TMEM183A: variants seen among roughly 807,000 people sequenced by gnomAD.
TMEM183A encodes transmembrane protein 183A, also known as chromosome 1 open reading frame 37.
In TMEM183A, 21 loss-of-function variants were observed where a neutral mutation model predicts 46.7. The observed-to-expected ratio is 0.45, with a 90% CI of 0.32 to 0.65. The LOEUF (loss-of-function observed/expected upper bound fraction) is 0.65, where lower values mean the gene tolerates loss of function less well. Among genes scored for constraint, TMEM183A ranks in the 30% least tolerant of loss-of-function variants. The pLI, the probability that TMEM183A is intolerant of heterozygous loss-of-function variation, is 0.04. For missense variants in TMEM183A, 331 were observed against 481.9 expected (o/e 0.69, Z 2.93); for synonymous variants, 165 against 180.2 (o/e 0.92, Z 0.68).
chr1:203,011,743 C>A (rs1047043967), intron 3 of TMEM183A, among the ~76,000 whole-genome samples: 1 of 152,080 alleles, frequency 6.6e-6, no homozygotes, highest in South Asian at 2.1e-4. Flanking sequence ...ACTTCTTTAT[C>A]TATTCAGATT....
At chr1:203,014,624 C>CA (rs71142584) in intron 3 of TMEM183A, among the ~76,000 whole-genome samples, 88 of 147,738 alleles carry the variant, frequency 6.0e-4, no homozygotes, top group East Asian at 1.4e-3. Context: ...GACTCTGTCC[C>CA]AAAAAAAAAA....
intron 1 of TMEM183A, 58 bp downstream of exon 1, chr1:203,007,632 C>T (rs916877066): frequency 4.8e-5 from 74 of 1,529,664 alleles, no homozygotes; most frequent in Non-Finnish European, 5.8e-5. Context: ...TGGGAGGGGG[C>T]TGGACCGTGC....
intron 6 of TMEM183A, 74 bp downstream of exon 6, chr1:203,018,635 G>A: frequency 6.6e-7 from 1 of 1,514,696 alleles, no homozygotes; most frequent in Non-Finnish European, 9.1e-7. Flanking sequence ...TTCTTAGTCT[G>A]TTTGTGTTGC....
chr1:203,008,347 CT>C (rs1325372307), intron 2 of TMEM183A, among the ~76,000 whole-genome samples: 2 of 151,800 alleles, frequency 1.3e-5, no homozygotes, highest in Non-Finnish European at 1.5e-5. Flanking sequence ...TACAAATCAG[CT>C]TTTATCCTGC....
In TMEM183A at chr1:203,007,783, C is replaced by A. The variant is rs1459350035; in HGVS notation, c.119C>A (p.Ala40Glu). The A allele has an allele frequency of 1.2e-6, 2 of 1,613,832 alleles. No homozygotes were observed. Among genetic ancestry groups the A allele is most frequent in the East Asian group, 2.2e-5 (1 of 44,896 alleles). The change falls in exon 2 of 8, where the codon GCG becomes GAG. Residue 40 changes from alanine to glutamate, a missense_variant. By Grantham distance (107) the Ala-to-Glu change is moderately radical. Around this residue, in one of 2 missense-constraint regions of TMEM183A, gnomAD observed 98 missense variants for 96.1 expected, o/e 1.02. Transcript: ENST00000367242. ...TGGTGCTGTGTTGCAGTGACCGTGGCGGATTACGCCAACTCGGATCCGGCG... is the reference window on the plus strand; with the variant it reads ...TGGTGCTGTGTTGCAGTGACCGTGGAGGATTACGCCAACTCGGATCCGGCG... The part of the protein sequence containing the change: ...HDACSGRVTV[A>E]DYANSDPAVV...
chr1:203,008,517 C>A, intron 2 of TMEM183A, 126 bp from the exon 3 acceptor site: 7 of 662,692 alleles, frequency 1.1e-5, no homozygotes, highest in Middle Eastern at 5.2e-4. Context: ...GACAGATTCT[C>A]ACCTTTCTCT....
chr1:203,018,353 G>A, intron 5 of TMEM183A, 128 bp from the exon 6 acceptor site: 1 of 1,058,358 alleles, frequency 9.4e-7, no homozygotes, highest in Admixed American at 2.8e-5. Context: ...TAAAATCTCA[G>A]CATTGGGACC....
rs146027925 is a variant in TMEM183A at position 203,014,132 on chromosome 1, A to C, written c.368-757A>C. The stretch of plus-strand genomic sequence containing the variant: ...GTGGGTGGAGACTTAAACCATGAGC[A>C]GGGCTTAATAGCATAAAGCTGGAAT... On this transcript the variant is annotated intron_variant, in intron 3 of 7. Coordinates refer to ENST00000367242, the MANE Select transcript of TMEM183A (RefSeq NM_138391.6). Among the ~76,000 whole-genome samples, 626 of 152,332 alleles carry C rather than the reference A, an allele frequency of 4.1e-3. 4 individuals carry two copies. The highest frequency in any genetic ancestry group is 6.9e-3 in the Non-Finnish European group (471 of 68,032).
chr1:203,017,896 G>A, intron 5 of TMEM183A: 1 of 986,140 alleles, frequency 1.0e-6, no homozygotes, highest in Middle Eastern at 5.2e-4. Flanking sequence ...CACGGCGGAC[G>A]ACCCACCCCT....
intron 5 of TMEM183A, 38 bp downstream of exon 5, chr1:203,016,178 T>C (rs1657153814): frequency 6.2e-7 from 1 of 1,613,010 alleles, no homozygotes; most frequent in Non-Finnish European, 8.5e-7. Flanking sequence ...ACTAATGAAC[T>C]CTTGTATGGT....
At chr1:203,009,398 A>G (rs1300409389) in intron 3 of TMEM183A, among the ~76,000 whole-genome samples, 1 of 152,262 alleles carries the variant, frequency 6.6e-6, no homozygotes, top group Non-Finnish European at 1.5e-5. Flanking sequence ...TGATGATAAT[A>G]TAACGTGCCA....
At chr1:203,021,473 T>A (rs978260722) in intron 7 of TMEM183A, among the ~76,000 whole-genome samples, 1 of 152,248 alleles carries the variant, frequency 6.6e-6, no homozygotes, top group Non-Finnish European at 1.5e-5. Context: ...ATTAATTATA[T>A]CTGAGAGTAT....
rs1656895719 is a variant in TMEM183A, at chr1:203,013,746, C to G, written c.368-1143C>G. ...GCCAGGTTGCTCTCGATCTCCTGAC[C>G]TCGCGATTCGCCCACCTCGGCCTCC... On this transcript the variant is annotated intron_variant, in intron 3 of 7. Coordinates refer to ENST00000367242, the MANE Select transcript of TMEM183A (RefSeq NM_138391.6). The surrounding 1 kb of genome is among the most constrained non-coding windows in gnomAD (Gnocchi z 4.0). Among the ~76,000 whole-genome samples, 2 of 151,860 alleles carry G rather than the reference C, an allele frequency of 1.3e-5. No individual in the cohort carries two copies. Among genetic ancestry groups the G allele is most frequent in the Non-Finnish European group, 2.9e-5 (2 of 67,980 alleles).
In TMEM183A at chr1:203,008,732, A is replaced by G; in HGVS notation, c.289A>G (p.Ser97Gly). The change falls in exon 3 of 8, where the codon AGT becomes GGT. Residue 97 changes from serine to glycine, a missense_variant. By Grantham distance (56) the Ser-to-Gly change is moderately conservative. Coordinates refer to ENST00000367242, the MANE Select transcript of TMEM183A (RefSeq NM_138391.6). ...AGEPCDIIDS[S>G]DEMDAQEESI... is the part of the protein sequence containing the mutation. ...TGAGCCCTGTGACATCATCGACAGCAGTGATGAGATGGATGCCCAGGAGGA... is the reference window on the plus strand; with the variant it reads ...TGAGCCCTGTGACATCATCGACAGCGGTGATGAGATGGATGCCCAGGAGGA... The G allele has an allele frequency of 1.9e-6, 3 of 1,610,836 alleles. No homozygotes were observed. Among genetic ancestry groups the G allele is most frequent in the Non-Finnish European group, 2.5e-6 (3 of 1,178,520 alleles).
intron 4 of TMEM183A, 69 bp downstream of exon 4, chr1:203,015,117 A>G: frequency 1.9e-6 from 3 of 1,585,962 alleles, no homozygotes; most frequent in African/African-American, 1.3e-5. Context: ...ATTTGGAGCT[A>G]CTCACTGGAT....
rs757485748 is a variant in TMEM183A at position 203,014,869 on chromosome 1, T to G, written c.368-20T>G. ...AGATATGGTGTAGAAGATCAGAGAT[T>G]ATTCTTTTTTTTGTTTCAGAAGAAC... On this transcript the variant is annotated intron_variant, in intron 3 of 7. Coordinates refer to ENST00000367242, the MANE Select transcript of TMEM183A (RefSeq NM_138391.6). 2 of 1,613,360 alleles carry G rather than the reference T, an allele frequency of 1.2e-6. No individual in the cohort carries two copies. Among genetic ancestry groups the G allele is most frequent in the Middle Eastern group, 1.7e-4 (1 of 6,054 alleles).
At chr1:203,009,251 C>T (rs990029706) in intron 3 of TMEM183A, among the ~76,000 whole-genome samples, 6 of 152,164 alleles carry the variant, frequency 3.9e-5, no homozygotes, top group African/African-American at 7.2e-5. Context: ...TAGACATTAT[C>T]GTGGGCTTTT....
chr1:203,015,515 G>A (rs1194634852), intron 4 of TMEM183A: 2 of 206,588 alleles, frequency 9.7e-6, no homozygotes, highest in Admixed American at 1.0e-4. Flanking sequence ...TAGTAAAAGG[G>A]CTAGTTTTTG....
rs1483426509 is a variant in TMEM183A at position 203,013,866 on chromosome 1, C to T, written c.368-1023C>T. Among the ~76,000 whole-genome samples the T allele has an allele frequency of 6.6e-6, 1 of 151,798 alleles. No individual in the cohort carries two copies. Among genetic ancestry groups the T allele is most frequent in the Non-Finnish European group, 1.5e-5 (1 of 67,986 alleles). ...CCACCTCCTGGTTCAAGCGATTCTC[C>T]TGCCTCAGCCTCCCACGTAGCTGGA... On this transcript the variant is annotated intron_variant, in intron 3 of 7. Transcript: ENST00000367242. The surrounding 1 kb of genome is among the most constrained non-coding windows in gnomAD (Gnocchi z 4.0).
Sources: allele counts gnomAD v4.1 joint callset (sites outside exome capture counted in the v4.1 genomes callset), GRCh38; gene constraint gnomAD v4.1.1; regional missense constraint gnomAD v4.1.1; non-coding constraint Gnocchi (gnomAD v3.1); transcripts MANE v1.5; gene names NCBI Gene and HGNC (gene_info 2026-07-23, HGNC 2026-07-21).